GNAO1: variants seen among roughly 807,000 people sequenced by gnomAD.
The protein encoded by GNAO1 is G protein subunit alpha o1, also known as guanine nucleotide-binding protein G(o) subunit alpha.
For synonymous variants in GNAO1, 164 were observed against 180.7 expected (o/e 0.91, Z 0.74); for missense variants, 166 against 478.7 (o/e 0.35, Z 6.10).
intron 2 of GNAO1, among the ~76,000 whole-genome samples, chr16:56,244,715 G>T (rs1258849818): frequency 2.0e-5 from 3 of 152,100 alleles, no homozygotes; most frequent in Non-Finnish European, 4.4e-5. Context: ...CACACCCAGG[G>T]TTCCCTGTGG....
At chr16:56,289,250 G>A (rs1376224133) in intron 3 of GNAO1, among the ~76,000 whole-genome samples, 1 of 152,182 alleles carries the variant, frequency 6.6e-6, no homozygotes, top group Non-Finnish European at 1.5e-5. Context: ...GCACTGGGGG[G>A]CAGATCAGCC....
chr16:56,284,231 C>T (rs184738189), intron 3 of GNAO1, among the ~76,000 whole-genome samples: 1 of 152,318 alleles, frequency 6.6e-6, no homozygotes, highest in East Asian at 1.9e-4. Context: ...GATGCCAGCC[C>T]CAGAATGAGA....
chr16:56,283,242 T>G (rs1283704539), intron 3 of GNAO1, among the ~76,000 whole-genome samples: 3 of 152,174 alleles, frequency 2.0e-5, no homozygotes, highest in Admixed American at 6.5e-5. Flanking sequence ...TTTTTCTGTT[T>G]CCATGCTTTT....
At chr16:56,305,623 T>C (rs1413505898) in intron 3 of GNAO1, among the ~76,000 whole-genome samples, 1 of 152,026 alleles carries the variant, frequency 6.6e-6, no homozygotes, top group Non-Finnish European at 1.5e-5. Flanking sequence ...CACATGGCCT[T>C]GTAGATAGAG....
intron 3 of GNAO1, chr16:56,308,121 A>G (rs2037415865): frequency 6.6e-6 from 1 of 152,270 alleles, no homozygotes; most frequent in Middle Eastern, 3.4e-3. Context: ...AGTGGAGCCA[A>G]CTTTGGGGTC....
At chr16:56,235,965 G>A (rs556624181) in intron 2 of GNAO1, among the ~76,000 whole-genome samples, 1 of 152,284 alleles carries the variant, frequency 6.6e-6, no homozygotes, top group South Asian at 2.1e-4. Flanking sequence ...CACAAAGGGG[G>A]ATCAAGGCTC....
intron 2 of GNAO1, chr16:56,245,760 T>C: frequency 6.6e-6 from 1 of 152,290 alleles, no homozygotes; most frequent in East Asian, 1.9e-4. Context: ...ACTGATATGG[T>C]GTACTTTCTC....
intron 3 of GNAO1, among the ~76,000 whole-genome samples, chr16:56,319,874 C>T (rs753942911): frequency 7.9e-5 from 12 of 152,094 alleles, no homozygotes; most frequent in Middle Eastern, 3.2e-3. Context: ...CCCCTTTCTC[C>T]AGCTGCTGAC....
At position 56,355,207 on chromosome 16, in the gene GNAO1, T is replaced by TTATA. The variant is rs57085646; in HGVS notation, c.*28+143_*28+146dup. 0.03 allele frequency: 5,966 copies of TTATA among 200,124 alleles called. 115 individuals are homozygous for TTATA. The highest frequency in any genetic ancestry group is 0.065 in the African/African-American group (2,656 of 40,590). 12.4% of individuals were successfully genotyped at this position (200,124 alleles called of 1,614,324 possible). On this transcript the variant is annotated intron_variant, in intron 8 of 8. Coordinates refer to ENST00000262493, the MANE Select transcript of GNAO1 (RefSeq NM_020988.3). Reference sequence around the variant, plus strand: ...AACTTTAAAGAGGCATAACAAAACCTTATATATATATATATATATACAAAT... The same window carrying TTATA: ...AACTTTAAAGAGGCATAACAAAACCTTATATATATATATATATATATATACAAAT...
At chr16:56,235,267 G>T (rs958273748) in intron 2 of GNAO1, 1 of 454,678 alleles carries the variant, frequency 2.2e-6, no homozygotes, top group Admixed American at 2.4e-5. Flanking sequence ...AATCCACTCA[G>T]ATCACCTAGA....
At chr16:56,291,715 A>G (rs1202252856) in intron 3 of GNAO1, among the ~76,000 whole-genome samples, 1 of 152,172 alleles carries the variant, frequency 6.6e-6, no homozygotes, top group Non-Finnish European at 1.5e-5. Flanking sequence ...GAAACAACAG[A>G]AATGAATTGC....
At chr16:56,329,157 C>A in intron 4 of GNAO1, 1 of 181,784 alleles carries the variant, frequency 5.5e-6, no homozygotes, top group Admixed American at 6.1e-5. Context: ...AAATACAAAC[C>A]AAAACAACAG....
intron 2 of GNAO1, among the ~76,000 whole-genome samples, chr16:56,250,249 A>G (rs1374348600): frequency 6.6e-6 from 1 of 152,206 alleles, no homozygotes; most frequent in Non-Finnish European, 1.5e-5. Flanking sequence ...CGTAATTGCT[A>G]ACCTTATTTG....
rs1418568825 is a variant in GNAO1 at position 56,192,234 on chromosome 16, C to T, written c.-2C>T. Reference sequence around the variant, plus strand: ...GCGGGCTGTGGCAGGGAAGGGGCCACCATGGGATGTACTCTGAGCGCAGAG... The same window carrying T: ...GCGGGCTGTGGCAGGGAAGGGGCCATCATGGGATGTACTCTGAGCGCAGAG... On this transcript the variant is annotated 5_prime_UTR_variant, in exon 1 of 9. Coordinates refer to ENST00000262493, the MANE Select transcript of GNAO1 (RefSeq NM_020988.3). 2 of 1,551,628 alleles carry T rather than the reference C, an allele frequency of 1.3e-6. No homozygotes were observed. The highest frequency in any genetic ancestry group is 1.8e-6 in the Non-Finnish European group (2 of 1,131,874).
intron 2 of GNAO1, among the ~76,000 whole-genome samples, chr16:56,225,158 G>T (rs1250769762): frequency 1.3e-5 from 2 of 152,248 alleles, no homozygotes; most frequent in Non-Finnish European, 2.9e-5. Flanking sequence ...TGTAGAGCAG[G>T]ATGTGGCATT....
At chr16:56,276,172 G>T in intron 3 of GNAO1, 100 bp downstream of exon 3, 1 of 992,262 alleles carries the variant, frequency 1.0e-6, no homozygotes. Context: ...TGAACGAGAA[G>T]AGACTCCGCT....
chr16:56,280,896 A>G (rs567198119), intron 3 of GNAO1, among the ~76,000 whole-genome samples: 2 of 152,162 alleles, frequency 1.3e-5, no homozygotes, highest in Non-Finnish European at 2.9e-5. Flanking sequence ...AGAGAACTGA[A>G]GCTCTGGGAA....
At chr16:56,324,470 C>A (rs536609997) in intron 3 of GNAO1, among the ~76,000 whole-genome samples, 1 of 152,228 alleles carries the variant, frequency 6.6e-6, no homozygotes, top group African/African-American at 2.4e-5. Flanking sequence ...GTCCACCACC[C>A]GCATTCCTCA....
chr16:56,192,775 C>T, intron 2 of GNAO1, 159 bp downstream of exon 2: 1 of 627,094 alleles, frequency 1.6e-6, no homozygotes, highest in East Asian at 2.8e-5. Context: ...TCCCCTCCCC[C>T]ACTCCCTACG....
Sources: gnomAD v4.1 joint callset for allele counts (sites outside exome capture counted in the v4.1 genomes callset) on GRCh38, gnomAD v4.1.1 for gene constraint, MANE v1.5 for transcripts, NCBI Gene and HGNC (gene_info 2026-07-23, HGNC 2026-07-21) for gene names.